CCDC77: variants seen among roughly 807,000 people sequenced by gnomAD.
CCDC77 encodes coiled-coil domain-containing protein 77.
CCDC77 carries 56 observed loss-of-function variants against 66.8 expected under a neutral mutation model. The ratio of observed to expected loss-of-function variants is 0.84; its 90% confidence interval spans 0.68 to 1.05. The LOEUF (loss-of-function observed/expected upper bound fraction) is 1.05. CCDC77 is among the 50% of genes least tolerant of loss of function. The pLI, the probability that CCDC77 is intolerant of heterozygous loss-of-function variation, is 0.00. For synonymous variants in CCDC77, 196 were observed against 195.2 expected, an observed-to-expected ratio of 1.00 and a Z score of -0.03; for missense variants, 570 against 576.8, an observed-to-expected ratio of 0.99 and a Z score of 0.12.
intron 4 of CCDC77, 119 bp downstream of exon 4, chr12:412,097 C>A (rs1267941306): frequency 2.6e-6 from 2 of 770,446 alleles, no homozygotes; most frequent in Admixed American, 2.9e-5. Flanking sequence ...CTTTTTTATT[C>A]CCCAGCCCAG....
intron 4 of CCDC77, 129 bp from the exon 5 acceptor site, chr12:418,365 T>C: frequency 1.2e-6 from 1 of 846,312 alleles, no homozygotes; most frequent in Non-Finnish European, 1.9e-6. Context: ...TTGCTGTCAT[T>C]TGAATTCTGT....
rs1306857786 is a variant in CCDC77 at position 438,414 on chromosome 12, A to G, written c.901A>G (p.Lys301Glu). 6.2e-7 allele frequency: 1 copy of G among 1,614,054 alleles called. No individual in the cohort carries two copies. Among genetic ancestry groups the G allele is most frequent in the Non-Finnish European group, 8.5e-7 (1 of 1,179,918 alleles). ...CAGATCTGAAAACCAAAATAAAGAG[A>G]AGTCATGGATGCTTGAAAAAGATAA... ...QLRSENQNKE[K>E]SWMLEKDNLM... The change falls in exon 10 of 13, where the codon AAG becomes GAG. Residue 301 changes from lysine (K) to glutamate (E), a missense_variant. Transcript: ENST00000239830.
intron 8 of CCDC77, among the ~76,000 whole-genome samples, chr12:432,394 C>T (rs1247935239): frequency 6.6e-6 from 1 of 152,066 alleles, no homozygotes; most frequent in African/African-American, 2.4e-5. Context: ...GATTTTTCAT[C>T]TAGTTGCACT....
chr12:401,308 C>T (rs923498457), upstream of CCDC77, among the ~76,000 whole-genome samples: 1 of 152,318 alleles, frequency 6.6e-6, no homozygotes, highest in South Asian at 2.1e-4. Flanking sequence ...GTACCATGAA[C>T]GCGAAGTACC....
intron 4 of CCDC77, among the ~76,000 whole-genome samples, chr12:415,836 G>A (rs1945245474): frequency 7.3e-6 from 1 of 136,610 alleles, no homozygotes; most frequent in Admixed American, 7.4e-5. Flanking sequence ...ATGAAGTCTT[G>A]CTCTTGTCAC....
intron 1 of CCDC77, among the ~76,000 whole-genome samples, chr12:393,575 A>T (rs999512211): frequency 1.3e-5 from 2 of 149,532 alleles, no homozygotes; most frequent in Non-Finnish European, 3.0e-5. Context: ...CCCTTCCCCC[A>T]GGCTGGAGTG....
At chr12:419,366 C>T (rs1236705213) in intron 5 of CCDC77, among the ~76,000 whole-genome samples, 1 of 152,238 alleles carries the variant, frequency 6.6e-6, no homozygotes, top group East Asian at 1.9e-4. Context: ...AACTGAGCTC[C>T]TGGGAGATAT....
intron 1 of CCDC77, among the ~76,000 whole-genome samples, chr12:403,852 A>G (rs2137534136): frequency 6.6e-6 from 1 of 152,178 alleles, no homozygotes; most frequent in East Asian, 1.9e-4. Flanking sequence ...GTGCAGTGGC[A>G]CGATCACTGC....
chr12:394,894 TG>T (rs1313456670), intron 1 of CCDC77, among the ~76,000 whole-genome samples: 2 of 152,076 alleles, frequency 1.3e-5, no homozygotes, highest in Non-Finnish European at 2.9e-5. Context: ...TATATGACAG[TG>T]AACAACAAAA....
intron 12 of CCDC77, among the ~76,000 whole-genome samples, chr12:441,259 T>C (rs1945852851): frequency 6.6e-6 from 1 of 152,228 alleles, no homozygotes; most frequent in Non-Finnish European, 1.5e-5. Context: ...AAGAAGTAGA[T>C]TAAAGAATCG....
chr12:415,530 A>G (rs1282030846), intron 4 of CCDC77, among the ~76,000 whole-genome samples: 1 of 148,884 alleles, frequency 6.7e-6, no homozygotes, highest in Non-Finnish European at 1.5e-5. Context: ...TAACATAATT[A>G]TTAACATAAT....
Position 431,893 on chromosome 12 carries a change from CGA to C in CCDC77, c.620_621del (p.Arg207LysfsTer5), listed in dbSNP as rs1338351153. ...CCTAAAATAAGCAAAAGAAGACCAT[CGA>C]GAGAGAGAAAAGAAAGTTCTGAGCA... On this transcript the variant is annotated frameshift_variant, in exon 8 of 13. Transcript: ENST00000239830. LOFTEE classifies it high-confidence loss of function. 1.9e-6 allele frequency: 3 copies of C among 1,609,660 alleles called. No homozygotes were observed. The highest frequency in any genetic ancestry group is 2.5e-6 in the Non-Finnish European group (3 of 1,177,248).
intron 5 of CCDC77, among the ~76,000 whole-genome samples, chr12:422,446 A>G (rs1049707173): frequency 1.2e-4 from 18 of 152,240 alleles, no homozygotes; most frequent in African/African-American, 2.4e-5. Context: ...CCGTTACCCC[A>G]GTTCCTGGAA....
intron 7 of CCDC77, among the ~76,000 whole-genome samples, chr12:431,204 G>T (rs1381554668): frequency 1.5e-5 from 2 of 135,920 alleles, no homozygotes; most frequent in East Asian, 2.1e-4. Context: ...ATTAAATTTT[G>T]CTCAGTTCTT....
At chr12:395,098 G>A (rs1357486117) in intron 1 of CCDC77, 1 of 152,048 alleles carries the variant, frequency 6.6e-6, no homozygotes, top group Non-Finnish European at 1.5e-5. Flanking sequence ...GTTTTCTGAG[G>A]CACGGTTTCA....
At chr12:433,440 C>CT (rs1565576501) in intron 9 of CCDC77, 118 bp downstream of exon 9, 38 of 1,463,582 alleles carry the variant, frequency 2.6e-5, no homozygotes, top group Non-Finnish European at 3.3e-5. Context: ...CTTGAAAAGA[C>CT]TGTCTTCCTC....
intron 2 of CCDC77, among the ~76,000 whole-genome samples, chr12:407,782 A>ATTTT (rs386375348): frequency 0.019 from 1,926 of 100,336 alleles, 13 homozygotes; most frequent in East Asian, 0.026. Context: ...AGGACTGAAG[A>ATTTT]TTTTTTTTTT....
At chr12:422,365 A>G (rs1945417157) in intron 5 of CCDC77, among the ~76,000 whole-genome samples, 1 of 152,254 alleles carries the variant, frequency 6.6e-6, no homozygotes, top group Non-Finnish European at 1.5e-5. Flanking sequence ...TGTCAACATC[A>G]TTGAACTCCA....
chr12:434,937 C>T (rs1216179825), intron 9 of CCDC77, among the ~76,000 whole-genome samples: 1 of 152,132 alleles, frequency 6.6e-6, no homozygotes, highest in East Asian at 1.9e-4. Context: ...CCAACAAATG[C>T]TCCCATCCCC....
Sources: allele counts gnomAD v4.1 joint callset (sites outside exome capture counted in the v4.1 genomes callset), GRCh38; gene constraint gnomAD v4.1.1; transcripts MANE v1.5; gene names NCBI Gene and HGNC (gene_info 2026-07-23, HGNC 2026-07-21).